Variants in PTK2B observed in about 807,000 individuals in gnomAD.
The protein encoded by PTK2B is protein-tyrosine kinase 2-beta.
Under a neutral mutation model 142.9 loss-of-function variants are expected in PTK2B, and 71 were observed. The observed-to-expected ratio is 0.50, with a 90% CI of 0.41 to 0.61. The LOEUF is 0.61. Ranked by LOEUF, PTK2B falls within the 20% of genes least tolerant of loss-of-function variation. PTK2B has a pLI of 0.00. For synonymous variants in PTK2B, 519 were observed against 503.4 expected (o/e 1.03, Z -0.42); for missense variants, 1,105 against 1,320.4 (o/e 0.84, Z 2.53).
chr8:27,354,661 CTT>C (rs771840447), intron 1 of PTK2B, among the ~76,000 whole-genome samples: 24 of 152,166 alleles, frequency 1.6e-4, no homozygotes, highest in South Asian at 6.2e-4. Context: ...CAAAATAAAA[CTT>C]TGCAGAAAGA....
At chr8:27,452,678 C>T (rs897919242) in intron 27 of PTK2B, 10 of 177,330 alleles carry the variant, frequency 5.6e-5, no homozygotes, top group African/African-American at 2.4e-4. Context: ...GCCCCAAACA[C>T]TCTGGGAAAA....
upstream of PTK2B, among the ~76,000 whole-genome samples, chr8:27,320,614 G>T (rs1025728823): frequency 2.0e-5 from 3 of 152,168 alleles, no homozygotes; most frequent in South Asian, 2.1e-4. Context: ...AAAAGATATT[G>T]TGAAAGATAC....
intron 12 of PTK2B, 141 bp downstream of exon 12, chr8:27,434,273 C>A: frequency 8.4e-7 from 1 of 1,192,434 alleles, no homozygotes; most frequent in Non-Finnish European, 1.2e-6. Flanking sequence ...TGATCTTTCC[C>A]TCCCAATAAA....
chr8:27,388,029 C>T (rs573142929), intron 1 of PTK2B, among the ~76,000 whole-genome samples: 26 of 152,232 alleles, frequency 1.7e-4, no homozygotes, highest in East Asian at 7.7e-4. Flanking sequence ...AATTAAAAGG[C>T]GTGAACAGGA....
chr8:27,311,709 C>T (rs1002553760), exon 1 of PTK2B: 9 of 164,816 alleles, frequency 5.5e-5, no homozygotes, highest in African/African-American at 9.6e-5. Context: ...CTTAAAGCAC[C>T]GTGAGTGCAA....
At chr8:27,398,361 A>G (rs1468456298) in intron 2 of PTK2B, among the ~76,000 whole-genome samples, 3 of 152,176 alleles carry the variant, frequency 2.0e-5, no homozygotes. Context: ...TTGCAGGTCC[A>G]GGTACCCACC....
At position 27,431,147 on chromosome 8, in the gene PTK2B, T is replaced by A. The variant is rs1586307059; in HGVS notation, c.810+131T>A. 7.4e-6 allele frequency: 11 copies of A among 1,487,058 alleles called. No individual in the cohort carries two copies. The South Asian group carries it at 1.5e-4, about 20-fold the overall frequency. The allele number at this position is 1,487,058 out of a possible 1,614,324, so 92.1% of individuals were successfully genotyped here. A position where few individuals can be genotyped will look rare whatever the true frequency, so the allele number is the denominator to read the frequency against. On this transcript the variant is annotated intron_variant, in intron 8 of 30. Transcript: ENST00000346049. ...CTCAGGCAGCAGGACCTCGCTGACC[T>A]GCCGTCGGTGGAAGTCAAAAGCATC...
intron 10 of PTK2B, 30 bp from the exon 11 acceptor site, chr8:27,433,405 T>G (rs1563283369): frequency 1.3e-6 from 2 of 1,577,390 alleles, no homozygotes; most frequent in Non-Finnish European, 1.7e-6. Flanking sequence ...GGCTCTGGGG[T>G]CTCACCCTTG....
intron 5 of PTK2B, among the ~76,000 whole-genome samples, chr8:27,424,722 T>A (rs956398796): frequency 6.6e-6 from 1 of 152,234 alleles, no homozygotes; most frequent in African/African-American, 2.4e-5. Context: ...TTCGGAAAAT[T>A]AGGCCATAAG....
chr8:27,443,947 A>G (rs1366098363), intron 22 of PTK2B, among the ~76,000 whole-genome samples: 3 of 152,232 alleles, frequency 2.0e-5, no homozygotes, highest in Non-Finnish European at 4.4e-5. Flanking sequence ...TAGGGAAGCA[A>G]CACATGCACC....
At chr8:27,333,239 G>A (rs1213008246) in intron 1 of PTK2B, among the ~76,000 whole-genome samples, 1 of 152,198 alleles carries the variant, frequency 6.6e-6, no homozygotes, top group East Asian at 1.9e-4. Context: ...GTGGCAAAAG[G>A]CAATCAGAGT....
At chr8:27,373,989 A>G (rs977755635) in intron 1 of PTK2B, among the ~76,000 whole-genome samples, 1 of 152,000 alleles carries the variant, frequency 6.6e-6, no homozygotes, top group African/African-American at 2.4e-5. Flanking sequence ...CCAACCCTGC[A>G]TGTCCCCAGA....
intron 1 of PTK2B, among the ~76,000 whole-genome samples, chr8:27,351,239 G>A (rs1435546478): frequency 6.6e-6 from 1 of 150,828 alleles, no homozygotes; most frequent in East Asian, 1.9e-4. Context: ...ACAAGGAGCA[G>A]TGGGATTTAA....
chr8:27,455,354 A>C (rs1189451143), intron 30 of PTK2B, among the ~76,000 whole-genome samples: 1 of 152,160 alleles, frequency 6.6e-6, no homozygotes, highest in Non-Finnish European at 1.5e-5. Flanking sequence ...GCTTGAGCTC[A>C]GGAGTTTGAG....
chr8:27,406,236 C>T (rs1386201369), intron 2 of PTK2B, among the ~76,000 whole-genome samples: 1 of 149,760 alleles, frequency 6.7e-6, no homozygotes, highest in Non-Finnish European at 1.5e-5. Context: ...TGGGGCCACT[C>T]AGTCCAGAGT....
chr8:27,420,136 G>A (rs1809655783), intron 3 of PTK2B, 63 bp downstream of exon 3: 2 of 1,586,832 alleles, frequency 1.3e-6, no homozygotes, highest in South Asian at 2.3e-5. Flanking sequence ...GGGAGGCCCT[G>A]GGAGTTTCTC....
intron 1 of PTK2B, among the ~76,000 whole-genome samples, chr8:27,344,194 C>A (rs763258404): frequency 1.2e-4 from 18 of 152,104 alleles, no homozygotes; most frequent in Non-Finnish European, 2.6e-4. Context: ...TCCCCAAGAC[C>A]TCCCCTCCCC....
At chr8:27,450,619 C>A in intron 24 of PTK2B, 130 bp from the exon 25 acceptor site, 1 of 1,178,678 alleles carries the variant, frequency 8.5e-7, no homozygotes, top group Non-Finnish European at 1.2e-6. Context: ...TAAGAACAAA[C>A]TTATGAGAAA....
At chr8:27,446,315 A>G (rs752467070) in intron 24 of PTK2B, among the ~76,000 whole-genome samples, 4 of 151,976 alleles carry the variant, frequency 2.6e-5, no homozygotes, top group African/African-American at 4.8e-5. Context: ...TGGGTGTGAA[A>G]TCTCTCCTCA....
Sources: gnomAD v4.1 joint callset for allele counts (sites outside exome capture counted in the v4.1 genomes callset) on GRCh38, gnomAD v4.1.1 for gene constraint, MANE v1.5 for transcripts, NCBI Gene and HGNC (gene_info 2026-07-23, HGNC 2026-07-21) for gene names.